The following SNTG2 variants were observed in gnomAD, a reference collection of about 807,000 sequenced individuals.
SNTG2 encodes gamma-2-syntrophin.
A neutral mutation model predicts 70.9 loss-of-function variants in SNTG2; 74 were observed. The observed-to-expected ratio is 1.04, with a 90% CI of 0.86 to 1.27. The LOEUF (loss-of-function observed/expected upper bound fraction) is 1.27. Among genes scored for constraint, SNTG2 ranks in the 50% most tolerant of loss-of-function variants. The probability of loss-of-function intolerance (pLI) is 0.00; values close to 1 mark genes in which losing one functional copy is unlikely to be tolerated. For missense variants in SNTG2, 717 were observed against 690.7 expected, an observed-to-expected ratio of 1.04 and a Z score of -0.43; for synonymous variants, 278 against 273.8, an observed-to-expected ratio of 1.02 and a Z score of -0.15.
At chr2:978,456 T>C (rs1221602021) in intron 1 of SNTG2, among the ~76,000 whole-genome samples, 1 of 152,170 alleles carries the variant, frequency 6.6e-6, no homozygotes, top group African/African-American at 2.4e-5. Context: ...AAGGAACATA[T>C]CTCAAAAATT....
chr2:1,002,654 A>G (rs1659432699), intron 1 of SNTG2, among the ~76,000 whole-genome samples: 1 of 151,454 alleles, frequency 6.6e-6, no homozygotes, highest in African/African-American at 2.4e-5. Context: ...AAATATAAAT[A>G]GAACAACCTC....
chr2:1,008,264 G>C (rs147578171), intron 1 of SNTG2, among the ~76,000 whole-genome samples: 1 of 152,100 alleles, frequency 6.6e-6, no homozygotes, highest in Admixed American at 6.6e-5. Context: ...GGGACATTTC[G>C]AATGTGTGTT....
At chr2:977,980 T>C (rs1338787492) in intron 1 of SNTG2, among the ~76,000 whole-genome samples, 1 of 152,248 alleles carries the variant, frequency 6.6e-6, no homozygotes, top group Non-Finnish European at 1.5e-5. Context: ...TCAGCCTACG[T>C]ATTGATTTCA....
intron 4 of SNTG2, among the ~76,000 whole-genome samples, chr2:1,109,776 A>C (rs896632347): frequency 4.6e-5 from 7 of 152,246 alleles, no homozygotes; most frequent in Non-Finnish European, 2.9e-5. Flanking sequence ...TTTATCTGTA[A>C]GATAGGCCTG....
At chr2:1,189,572 T>G (rs941142696) in intron 8 of SNTG2, among the ~76,000 whole-genome samples, 15 of 151,954 alleles carry the variant, frequency 9.9e-5, no homozygotes, top group African/African-American at 3.4e-4. Context: ...AACTTTTTTT[T>G]TTTTGAGATG....
At chr2:1,062,188 A>T (rs1028634510) in intron 1 of SNTG2, among the ~76,000 whole-genome samples, 38 of 152,176 alleles carry the variant, frequency 2.5e-4, no homozygotes, top group Non-Finnish European at 2.4e-4. Flanking sequence ...AGGAATATAA[A>T]TGGCTCTACA....
intron 1 of SNTG2, among the ~76,000 whole-genome samples, chr2:1,007,557 T>C (rs987244733): frequency 1.3e-5 from 2 of 152,130 alleles, no homozygotes; most frequent in African/African-American, 4.8e-5. Context: ...CCACAAGGCA[T>C]AGTAGACAAG....
rs372863452 is a variant in SNTG2, at chr2:1,222,236, T to G, written c.719+13006T>G. Among the ~76,000 whole-genome samples the G allele has an allele frequency of 1.2e-4, 18 of 150,862 alleles. No homozygotes were observed. In the East Asian group the frequency reaches 2.5e-3, roughly 21 times the overall value. ...TCTTTTCACCTCTGAGGATTATTCG[T>G]TTTTTTTCATTTTGACTGTAAGGGA... is the stretch of plus-strand genomic sequence containing the variant. On this transcript the variant is annotated intron_variant, in intron 9 of 16. Coordinates refer to ENST00000308624, the MANE Select transcript of SNTG2 (RefSeq NM_018968.4).
At chr2:992,326 A>G (rs1473964965) in intron 1 of SNTG2, among the ~76,000 whole-genome samples, 1 of 152,228 alleles carries the variant, frequency 6.6e-6, no homozygotes, top group Non-Finnish European at 1.5e-5. Flanking sequence ...GGTACAAAGG[A>G]CAAAACACAT....
chr2:1,122,981 G>T (rs62107418), intron 4 of SNTG2, among the ~76,000 whole-genome samples: 6,221 of 152,060 alleles, frequency 0.041, 236 homozygotes, highest in South Asian at 0.18. Flanking sequence ...AAAATATTTA[G>T]CAATAAGTAT....
At chr2:990,187 G>T (rs1407805647) in intron 1 of SNTG2, among the ~76,000 whole-genome samples, 1 of 152,200 alleles carries the variant, frequency 6.6e-6, no homozygotes, top group African/African-American at 2.4e-5. Context: ...CATCAGAGGG[G>T]CTGGACGTCC....
chr2:1,239,342 C>T (rs1676899162), intron 10 of SNTG2, among the ~76,000 whole-genome samples: 2 of 152,188 alleles, frequency 1.3e-5, no homozygotes, highest in African/African-American at 4.8e-5. Context: ...CATCTACCTC[C>T]ATAGGTCATT....
intron 1 of SNTG2, among the ~76,000 whole-genome samples, chr2:1,008,524 C>A (rs920784105): frequency 6.6e-6 from 1 of 152,082 alleles, no homozygotes; most frequent in Non-Finnish European, 1.5e-5. Flanking sequence ...ATTTAAAAAA[C>A]AAAGTGTACT....
chr2:1,007,297 T>G (rs1470042722), intron 1 of SNTG2, among the ~76,000 whole-genome samples: 1 of 152,172 alleles, frequency 6.6e-6, no homozygotes, highest in Non-Finnish European at 1.5e-5. Context: ...CACACGATCC[T>G]AGGCCATCAT....
chr2:1,050,828 G>T (rs1399255583), intron 1 of SNTG2, among the ~76,000 whole-genome samples: 1 of 151,998 alleles, frequency 6.6e-6, no homozygotes, highest in Non-Finnish European at 1.5e-5. Flanking sequence ...AATTCATTTA[G>T]GTCTTCTTAA....
At chr2:989,371 A>G (rs1661423911) in intron 1 of SNTG2, among the ~76,000 whole-genome samples, 1 of 152,024 alleles carries the variant, frequency 6.6e-6, no homozygotes, top group Admixed American at 6.6e-5. Flanking sequence ...TCAGTTTGAG[A>G]AGGTCCCTGT....
intron 6 of SNTG2, chr2:1,158,361 A>G (rs1275547760): frequency 1.3e-5 from 2 of 152,196 alleles, no homozygotes. Flanking sequence ...TGGTTCAAGG[A>G]AAGAGGATGA....
chr2:1,148,480 TA>T (rs1669246315), intron 6 of SNTG2, among the ~76,000 whole-genome samples: 1 of 152,200 alleles, frequency 6.6e-6, no homozygotes, highest in South Asian at 2.1e-4. Flanking sequence ...TGTTTTGTGT[TA>T]GGCCCAGCAC....
intron 1 of SNTG2, among the ~76,000 whole-genome samples, chr2:1,012,694 T>C (rs180697594): frequency 4.1e-4 from 48 of 117,706 alleles, no homozygotes; most frequent in African/African-American, 1.4e-3. Context: ...GGAGAAGGAT[T>C]TATATGGGCA....
Sources: gnomAD v4.1 joint callset for allele counts (sites outside exome capture counted in the v4.1 genomes callset) on GRCh38, gnomAD v4.1.1 for gene constraint, MANE v1.5 for transcripts, NCBI Gene and HGNC (gene_info 2026-07-23, HGNC 2026-07-21) for gene names.